FABP3: variants seen among roughly 807,000 people sequenced by gnomAD.
FABP3 encodes fatty acid-binding protein, heart.
A neutral mutation model predicts 13.4 loss-of-function variants in FABP3; 8 were observed. That is an observed-to-expected ratio of 0.60 (90% CI 0.35 to 1.07). FABP3 has a LOEUF of 1.07. Among genes scored for constraint, FABP3 ranks in the 50% least tolerant of loss-of-function variants. The probability of loss-of-function intolerance (pLI) is 0.02; values close to 1 mark genes in which losing one functional copy is unlikely to be tolerated. For synonymous variants in FABP3, 64 were observed against 60.0 expected (o/e 1.07, Z -0.31); for missense variants, 135 against 164.7 (o/e 0.82, Z 0.99).
downstream of FABP3, among the ~76,000 whole-genome samples, chr1:31,363,621 A>G (rs1048514865): frequency 6.6e-6 from 1 of 152,040 alleles, no homozygotes. Context: ...GAGAAACCCA[A>G]CTCCATAAAA....
At chr1:31,359,804 T>G in the FABP3 span, among the ~76,000 whole-genome samples, 2 of 152,162 alleles carry the variant, frequency 1.3e-5, no homozygotes, top group Non-Finnish European at 1.5e-5. Flanking sequence ...ATTTAAAAAC[T>G]GTTTTATGTT....
intron 3 of FABP3, among the ~76,000 whole-genome samples, chr1:31,366,214 C>T (rs1275698513): frequency 2.0e-5 from 3 of 152,000 alleles, no homozygotes; most frequent in Non-Finnish European, 4.4e-5. Flanking sequence ...GTAATTTGGT[C>T]AAGATCCTGA....
At chr1:31,367,721 T>C (rs1158941054) in intron 2 of FABP3, among the ~76,000 whole-genome samples, 1 of 152,126 alleles carries the variant, frequency 6.6e-6, no homozygotes, top group South Asian at 2.1e-4. Context: ...CTTCAGATAT[T>C]AGGCAAGGAG....
Position 31,365,391 on chromosome 1 carries a change from C to CT in FABP3, c.*494dup, listed in dbSNP as rs1259040814. 6.6e-6 allele frequency among the ~76,000 whole-genome samples: 1 copy of CT among 152,200 alleles called. No homozygotes were observed. The highest frequency in any genetic ancestry group is 1.5e-5 in the Non-Finnish European group (1 of 68,042). ...TGAAGTGACAGTTCAATAGCCAAAC[C>CT]TGGGGAAGCCCCATCACTGACTGAA... is the stretch of plus-strand genomic sequence containing the variant. On this transcript the variant is annotated 3_prime_UTR_variant, in exon 4 of 4. Transcript: ENST00000373713.
At position 31,371,608 on chromosome 1, in the gene FABP3, G is replaced by A. The variant is rs117735660; in HGVS notation, c.73+1334C>T. On this transcript the variant is annotated intron_variant, in intron 1 of 3. Coordinates refer to ENST00000373713, the MANE Select transcript of FABP3 (RefSeq NM_004102.5). ...GGAGACCAGCCCGCTGACCCAACTC[G>A]GGGCAGAATAAGGGAACAAGAATGG... Among the ~76,000 whole-genome samples the A allele has an allele frequency of 1.1e-3, 170 of 152,284 alleles. No individual in the cohort carries two copies. The East Asian group carries it at 0.031, about 28-fold the overall frequency.
rs200702682 is a variant in FABP3 at position 31,369,408 on chromosome 1, T to A, written c.223A>T (p.Thr75Ser). Residue 75 changes from threonine to serine, a missense_variant, in exon 2 of 4, where the codon ACA becomes TCA. By Grantham distance (58) the Thr-to-Ser change is moderately conservative (BLOSUM62 1). Transcript: ENST00000373713. ...FKLGVEFDET[T>S]ADDRKVKSIV... ...ACCTTGACCTTCCTGTCATCTGCTG[T>A]TGTCTCATCGAACTCCACCCCCAAC... 6.2e-7 allele frequency: 1 copy of A among 1,614,168 alleles called. No individual in the cohort carries two copies. Among genetic ancestry groups the A allele is most frequent in the South Asian group, 1.1e-5 (1 of 91,074 alleles).
downstream of FABP3, among the ~76,000 whole-genome samples, chr1:31,362,617 G>A (rs1276625322): frequency 2.0e-5 from 3 of 152,214 alleles, no homozygotes; most frequent in African/African-American, 7.2e-5. Context: ...TAAAGTTAGA[G>A]ATGATGAATA....
At chr1:31,360,177 G>A in the FABP3 span, among the ~76,000 whole-genome samples, 1 of 143,634 alleles carries the variant, frequency 7.0e-6, no homozygotes, top group East Asian at 2.0e-4. Context: ...GTTTTGTTTT[G>A]TTTTGTTTTG....
At chr1:31,364,015 T>A (rs1640033541), downstream of FABP3, 8 of 1,606,730 alleles carry the variant, frequency 5.0e-6, no homozygotes, top group Non-Finnish European at 6.8e-6. Flanking sequence ...TGTTGATTTT[T>A]AAAATTTTCT....
rs1334239154 is a variant in FABP3 at position 31,365,817 on chromosome 1, G to C, written c.*69C>G. ...TTGTACAAAATGCAGAGGAAGAAATGAGGCAATGTGGTGCTGAGTCGAGGG... is the reference window on the plus strand; with the variant it reads ...TTGTACAAAATGCAGAGGAAGAAATCAGGCAATGTGGTGCTGAGTCGAGGG... On this transcript the variant is annotated 3_prime_UTR_variant, in exon 4 of 4. Transcript: ENST00000373713. 1 of 1,383,478 alleles carries C rather than the reference G, an allele frequency of 7.2e-7. No homozygotes were observed. Among genetic ancestry groups the C allele is most frequent in the Non-Finnish European group, 1.0e-6 (1 of 973,062 alleles). 85.7% of individuals were successfully genotyped at this position (1,383,478 alleles called of 1,614,324 possible). A position where few individuals can be genotyped will look rare whatever the true frequency, so the allele number is the denominator to read the frequency against.
chr1:31,364,508 G>T, downstream of FABP3: 1 of 349,250 alleles, frequency 2.9e-6, no homozygotes. Context: ...TGCCAGAGCT[G>T]GATTCCTGTA....
downstream of FABP3, among the ~76,000 whole-genome samples, chr1:31,363,740 C>CCACTG (rs1640019673): frequency 6.6e-6 from 1 of 152,156 alleles, no homozygotes; most frequent in Non-Finnish European, 1.5e-5. Flanking sequence ...TGTGATCGTG[C>CCACTG]CACTGCACTG....
chr1:31,367,479 C>T lies in FABP3; in HGVS notation c.262G>A (p.Asp88Asn). ...TGCAGGTGAACAAGTTTCCCTCCATCCAGTGTCACAATGGACTGTGGAAAG... is the reference window on the plus strand; with the variant it reads ...TGCAGGTGAACAAGTTTCCCTCCATTCAGTGTCACAATGGACTGTGGAAAG... ...DRKVKSIVTLDGGKLVHLQKW... is the reference protein window; with the variant it reads ...DRKVKSIVTLNGGKLVHLQKW... The change falls in exon 3 of 4, where the codon GAT becomes AAT. Residue 88 changes from aspartate (D) to asparagine (N), a missense_variant. Physicochemically the swap from Asp to Asn is conservative, Grantham distance 23. Coordinates refer to ENST00000373713, the MANE Select transcript of FABP3 (RefSeq NM_004102.5). 1 of 1,614,102 alleles carries T rather than the reference C, an allele frequency of 6.2e-7. No homozygotes were observed. Among genetic ancestry groups the T allele is most frequent in the Non-Finnish European group, 8.5e-7 (1 of 1,179,938 alleles).
the FABP3 span, among the ~76,000 whole-genome samples, chr1:31,359,912 G>GAA: frequency 6.6e-6 from 1 of 151,914 alleles, no homozygotes. Context: ...TGAGAGAGCA[G>GAA]AAGCTTGGTT....
In FABP3 at chr1:31,369,393, T is replaced by A. The variant is rs745493497; in HGVS notation, c.238A>T (p.Lys80Ter). ...EFDETTADDR[K>*]VKSIVTLDGG... ...CTGTTTCCCTGACTTACCTTGACCTTCCTGTCATCTGCTGTTGTCTCATCG... is the reference window on the plus strand; with the variant it reads ...CTGTTTCCCTGACTTACCTTGACCTACCTGTCATCTGCTGTTGTCTCATCG... Residue 80 changes from lysine (K) to a stop codon, truncating the protein, a stop_gained, in exon 2 of 4, where the codon AAG (lysine) becomes TAG (stop). Transcript: ENST00000373713. LOFTEE classifies it high-confidence loss of function. The A allele has an allele frequency of 6.2e-7, 1 of 1,614,120 alleles. No individual in the cohort carries two copies. The highest frequency in any genetic ancestry group is 8.5e-7 in the Non-Finnish European group (1 of 1,180,004).
chr1:31,364,194 G>C, downstream of FABP3: 1 of 1,612,286 alleles, frequency 6.2e-7, no homozygotes, highest in Non-Finnish European at 8.5e-7. Context: ...CAAGGAGTGA[G>C]AGTATAAAGA....
At chr1:31,359,851 CA>C in the FABP3 span, among the ~76,000 whole-genome samples, 2 of 152,122 alleles carry the variant, frequency 1.3e-5, no homozygotes, top group Admixed American at 6.6e-5. Flanking sequence ...GAATCCATGT[CA>C]TTTTTTTTTA....
At chr1:31,362,554 G>A (rs1230803154), downstream of FABP3, among the ~76,000 whole-genome samples, 3 of 152,166 alleles carry the variant, frequency 2.0e-5, no homozygotes, top group African/African-American at 7.2e-5. Flanking sequence ...ATAGTTTTGG[G>A]AATGTTCTTT....
chr1:31,372,862 G>T, intron 1 of FABP3, 80 bp downstream of exon 1: 1 of 1,345,782 alleles, frequency 7.4e-7, no homozygotes, highest in Non-Finnish European at 1.1e-6. Flanking sequence ...CAGGAGGGAT[G>T]CGGCAGGAGT....
Sources: allele counts gnomAD v4.1 joint callset (sites outside exome capture counted in the v4.1 genomes callset), GRCh38; gene constraint gnomAD v4.1.1; transcripts MANE v1.5; gene names NCBI Gene and HGNC (gene_info 2026-07-23, HGNC 2026-07-21).